CCDC127: variants seen among roughly 807,000 people sequenced by gnomAD.
CCDC127 encodes coiled-coil domain containing 127, also known as coiled-coil domain-containing protein 127.
In CCDC127, 2 loss-of-function variants were observed where a neutral mutation model predicts 4.1. That is an observed-to-expected ratio of 0.49 (90% CI 0.20 to 1.53). The LOEUF (loss-of-function observed/expected upper bound fraction) is 1.53. Ranked by LOEUF, CCDC127 falls within the 40% of genes most tolerant of loss-of-function variation. The pLI, the probability that CCDC127 is intolerant of heterozygous loss-of-function variation, is 0.23. For missense variants in CCDC127, 271 were observed against 322.9 expected, an observed-to-expected ratio of 0.84 and a Z score of 1.23; for synonymous variants, 98 against 120.4, an observed-to-expected ratio of 0.81 and a Z score of 1.22.
In CCDC127 at chr5:212,826, C is replaced by T. The variant is rs1377141826; in HGVS notation, c.121+3903G>A. On this transcript the variant is annotated intron_variant, in intron 2 of 2. Coordinates refer to ENST00000296824, the MANE Select transcript of CCDC127 (RefSeq NM_145265.3). ...GAGCATGCTGAGATGCTCGACATTG[C>T]ACACTGCAGCCACGATGAGACAGCA... Among the ~76,000 whole-genome samples the T allele has an allele frequency of 5.1e-4, 3 of 5,866 alleles. 1 individual carries two copies. Among genetic ancestry groups the T allele is most frequent in the Admixed American group, 4.5e-3 (3 of 660 alleles). 3.8% of individuals were successfully genotyped at this position (5,866 alleles called of 152,430 possible).
rs1396565004 is a variant in CCDC127, at chr5:202,896, C to T, written c.*2401G>A. The T allele has an allele frequency of 1.3e-5, 2 of 149,384 alleles. No homozygotes were observed. The highest frequency in any genetic ancestry group is 6.7e-5 in the Admixed American group (1 of 14,972). The allele number at this position is 149,384 out of a possible 1,614,324, so 9.3% of individuals were successfully genotyped here. On this transcript the variant is annotated 3_prime_UTR_variant, in exon 3 of 3. Coordinates refer to ENST00000296824, the MANE Select transcript of CCDC127 (RefSeq NM_145265.3). ...AAGGGTCTTGATGCATCAGGAAGTA[C>T]AAACAACAACAGGAAGAGTTTTGTC...
chr5:207,674 A>G (rs1054367445), intron 2 of CCDC127, among the ~76,000 whole-genome samples: 3 of 152,156 alleles, frequency 2.0e-5, no homozygotes, highest in South Asian at 2.1e-4. Context: ...CACAGGTGCC[A>G]AATGAGAGGG....
intron 2 of CCDC127, among the ~76,000 whole-genome samples, chr5:213,513 G>A (rs1251663194): frequency 3.7e-5 from 5 of 134,736 alleles, no homozygotes; most frequent in South Asian, 4.9e-4. Flanking sequence ...CGGGACAGCA[G>A]TGTGAGCACG....
intron 2 of CCDC127, among the ~76,000 whole-genome samples, chr5:206,804 CT>C (rs1272929625): frequency 1.3e-5 from 2 of 152,214 alleles, no homozygotes. Flanking sequence ...ACGTGTTCTG[CT>C]TGTACATTCT....
rs1395204368 is a variant in CCDC127, at chr5:202,743, G to C, written c.*2554C>G. On this transcript the variant is annotated 3_prime_UTR_variant, in exon 3 of 3. Transcript: ENST00000296824. ...AGGATGAGGATTAACAATTTGCCTC[G>C]AAAATCATTCACCTACAAAGCAGCT... 1 of 152,192 alleles carries C rather than the reference G, an allele frequency of 6.6e-6. No homozygotes were observed. The highest frequency in any genetic ancestry group is 1.5e-5 in the Non-Finnish European group (1 of 68,058). The allele number at this position is 152,192 out of a possible 1,614,324, so 9.4% of individuals were successfully genotyped here.
In CCDC127 at chr5:205,661, G is replaced by A. The variant is rs779220724; in HGVS notation, c.419C>T (p.Ala140Val). 8.1e-6 allele frequency: 13 copies of A among 1,614,114 alleles called. No homozygotes were observed. Among genetic ancestry groups the A allele is most frequent in the South Asian group, 1.1e-5 (1 of 91,074 alleles). The change falls in exon 3 of 3, where the codon GCG becomes GTG. Residue 140 changes from alanine to valine, a missense_variant. Coordinates refer to ENST00000296824, the MANE Select transcript of CCDC127 (RefSeq NM_145265.3). Reference protein sequence around the residue: ...EKRQVQPLRSAYLSCLQREEN... With the variant: ...EKRQVQPLRSVYLSCLQREEN... ...TTCCCTTTGCAGGCAGCTCAAATAC[G>A]CACTTCTCAAAGGCTGCACCTGTCT...
In CCDC127 at chr5:198,319, G is replaced by C. The variant is rs1734006280; in HGVS notation, c.*6978C>G. The C allele has an allele frequency of 6.6e-6, 1 of 152,348 alleles. No homozygotes were observed. Among genetic ancestry groups the C allele is most frequent in the African/African-American group, 2.4e-5 (1 of 41,474 alleles). The allele number at this position is 152,348 out of a possible 1,614,324, so 9.4% of individuals were successfully genotyped here. A position where few individuals can be genotyped will look rare whatever the true frequency, so the allele number is the denominator to read the frequency against. On this transcript the variant is annotated 3_prime_UTR_variant, in exon 3 of 3. Transcript: ENST00000296824. ...CGGCCAGCTTTTGGAAACAGGCAGG[G>C]AAGGTGCTGGGCCAACATTTTTAAT...
rs1579357307 is a variant in CCDC127, at chr5:205,219, C to T, written c.*78G>A. On this transcript the variant is annotated 3_prime_UTR_variant, in exon 3 of 3. Transcript: ENST00000296824. Reference sequence around the variant, plus strand: ...GGCCATGACACGGGCAGCACGGGAACGGAAGACGCCGGAGACCCAGAAGGC... The same window carrying T: ...GGCCATGACACGGGCAGCACGGGAATGGAAGACGCCGGAGACCCAGAAGGC... The T allele has an allele frequency of 6.7e-6, 9 of 1,350,368 alleles. No homozygotes were observed. The highest frequency in any genetic ancestry group is 2.3e-5 in the East Asian group (1 of 43,332). The allele number at this position is 1,350,368 out of a possible 1,614,324, so 83.6% of individuals were successfully genotyped here. A position where few individuals can be genotyped will look rare whatever the true frequency, so the allele number is the denominator to read the frequency against.
rs1252987709 is a variant in CCDC127 at position 196,945 on chromosome 5, C to A, written c.*8352G>T. 3 of 64,564 alleles carry A rather than the reference C, an allele frequency of 4.6e-5. No homozygotes were observed. The East Asian group carries it at 7.1e-4, about 15-fold the overall frequency. The allele number at this position is 64,564 out of a possible 1,614,324, so 4.0% of individuals were successfully genotyped here. On this transcript the variant is annotated 3_prime_UTR_variant, in exon 3 of 3. Coordinates refer to ENST00000296824, the MANE Select transcript of CCDC127 (RefSeq NM_145265.3). The stretch of plus-strand genomic sequence containing the variant: ...CTGCACTGGCACCGGCCTCTGAGTT[C>A]CCTCAGTTTTTATTATTATTTTCAT...
chr5:197,091 A>T lies in CCDC127; in HGVS notation c.*8206T>A, dbSNP rs1213447487. The T allele has an allele frequency of 6.6e-6, 1 of 152,022 alleles. No individual in the cohort carries two copies. Among genetic ancestry groups the T allele is most frequent in the Non-Finnish European group, 1.5e-5 (1 of 68,018 alleles). 9.4% of individuals were successfully genotyped at this position (152,022 alleles called of 1,614,324 possible). ...GTTCAAGGGAAGGTACTATGCCTGG[A>T]CGTGCACGTAGGCCAGATTTATGTT... is the stretch of plus-strand genomic sequence containing the variant. On this transcript the variant is annotated 3_prime_UTR_variant, in exon 3 of 3. Coordinates refer to ENST00000296824, the MANE Select transcript of CCDC127 (RefSeq NM_145265.3).
Position 205,829 on chromosome 5 carries a change from G to C in CCDC127, c.251C>G (p.Ala84Gly), listed in dbSNP as rs969072828. The stretch of plus-strand genomic sequence containing the variant: ...GAGTTCCAAGGACAACTGAGCGACA[G>C]CACGCCGATTTTCTGAGATCATGGC... The part of the protein sequence containing the change: ...YHAMISENRR[A>G]VAQLSLELEK... The change falls in exon 3 of 3, where the codon GCT becomes GGT. Residue 84 changes from alanine to glycine, a missense_variant. Physicochemically the swap from Ala to Gly is moderately conservative, Grantham distance 60. Transcript: ENST00000296824. 10 of 1,614,158 alleles carry C rather than the reference G, an allele frequency of 6.2e-6. No individual in the cohort carries two copies. The highest frequency in any genetic ancestry group is 7.6e-6 in the Non-Finnish European group (9 of 1,180,034).
In CCDC127 at chr5:205,537, G is replaced by A. The variant is rs757607326; in HGVS notation, c.543C>T (p.Ser181=). 1.2e-6 allele frequency: 2 copies of A among 1,614,054 alleles called. No individual in the cohort carries two copies. The highest frequency in any genetic ancestry group is 1.7e-6 in the Non-Finnish European group (2 of 1,179,896). The change falls in exon 3 of 3, where the codon AGC becomes AGT. Residue 181 remains serine (S), a synonymous_variant. Coordinates refer to ENST00000296824, the MANE Select transcript of CCDC127 (RefSeq NM_145265.3). ...NIYCSLFLPR[S]KRLEIEKSLL... Reference sequence around the variant, plus strand: ...AGCTCTTCTCTATCTCCAGCCGCTTGCTGCGAGGAAGAAACAGACTGCAGT... The same window carrying A: ...AGCTCTTCTCTATCTCCAGCCGCTTACTGCGAGGAAGAAACAGACTGCAGT...
rs552396151 is a variant in CCDC127 at position 213,561 on chromosome 5, C to T, written c.121+3168G>A. Among the ~76,000 whole-genome samples, 5 of 148,408 alleles carry T rather than the reference C, an allele frequency of 3.4e-5. No homozygotes were observed. The South Asian group carries it at 1.1e-3, about 32-fold the overall frequency. ...ATCGCACACTGCAGCCACGACGAGACAGCACCACACACCCATCAGGATGGG... is the reference window on the plus strand; with the variant it reads ...ATCGCACACTGCAGCCACGACGAGATAGCACCACACACCCATCAGGATGGG... On this transcript the variant is annotated intron_variant, in intron 2 of 2. Coordinates refer to ENST00000296824, the MANE Select transcript of CCDC127 (RefSeq NM_145265.3).
intron 2 of CCDC127, among the ~76,000 whole-genome samples, chr5:213,743 G>A (rs1264833406): frequency 1.3e-5 from 2 of 152,194 alleles, no homozygotes; most frequent in Admixed American, 6.5e-5. Flanking sequence ...CTGCATTGCT[G>A]GTGAGAACCT....
At position 202,418 on chromosome 5, in the gene CCDC127, C is replaced by CT. The variant is rs1244618191; in HGVS notation, c.*2878dup. 1 of 152,330 alleles carries CT rather than the reference C, an allele frequency of 6.6e-6. No homozygotes were observed. Among genetic ancestry groups the CT allele is most frequent in the Non-Finnish European group, 1.5e-5 (1 of 68,124 alleles). The allele number at this position is 152,330 out of a possible 1,614,324, so 9.4% of individuals were successfully genotyped here. On this transcript the variant is annotated 3_prime_UTR_variant, in exon 3 of 3. Coordinates refer to ENST00000296824, the MANE Select transcript of CCDC127 (RefSeq NM_145265.3). ...TGGCCAACATGGTGAAACCCTGTCT[C>CT]TACTAAACATACAAAAATTAGCCAG...
chr5:199,288 TGTGTGGTGG>T lies in CCDC127; in HGVS notation c.*6000_*6008del, dbSNP rs1215722745. ...AGATATACGCAGGCCCAGTGGCCCC[TGTGTGGTGG>T]ACGTGGCCCCTCTGTGTGGTGGACG... On this transcript the variant is annotated 3_prime_UTR_variant, in exon 3 of 3. Coordinates refer to ENST00000296824, the MANE Select transcript of CCDC127 (RefSeq NM_145265.3). 1 of 152,112 alleles carries T rather than the reference TGTGTGGTGG, an allele frequency of 6.6e-6. No individual in the cohort carries two copies. The highest frequency in any genetic ancestry group is 2.7e-5 in the African/African-American group (1 of 36,984). The allele number at this position is 152,112 out of a possible 1,614,324, so 9.4% of individuals were successfully genotyped here.
In CCDC127 at chr5:197,756, ACAGT is replaced by A. The variant is rs1470888769; in HGVS notation, c.*7537_*7540del. On this transcript the variant is annotated 3_prime_UTR_variant, in exon 3 of 3. Transcript: ENST00000296824. ...CTTCCCTTTCTACATAGACACAGTGACAGTCTGATCTCTCTTTTCCCTACACCGC... is the reference window on the plus strand; with the variant it reads ...CTTCCCTTTCTACATAGACACAGTGACTGATCTCTCTTTTCCCTACACCGC... The A allele has an allele frequency of 6.6e-6, 1 of 151,832 alleles. No individual in the cohort carries two copies. The highest frequency in any genetic ancestry group is 1.4e-5 in the Non-Finnish European group (1 of 69,146). 9.4% of individuals were successfully genotyped at this position (151,832 alleles called of 1,614,324 possible).
chr5:205,321 T>C lies in CCDC127; in HGVS notation c.759A>G (p.Val253=), dbSNP rs1734147832. The C allele has an allele frequency of 1.9e-6, 3 of 1,611,100 alleles. No individual in the cohort carries two copies. Among genetic ancestry groups the C allele is most frequent in the African/African-American group, 2.7e-5 (2 of 74,982 alleles). The part of the protein sequence containing the change: ...LVVELKKFKR[V]EEAILEK ...CTTACTTTTCTAGTATGGCTTCCTC[T>C]ACTCTCTTAAACTTCTTCAGTTCGA... Residue 253 remains valine (V), a synonymous_variant, in exon 3 of 3, where the codon GTA becomes GTG. Transcript: ENST00000296824.
chr5:210,661 G>C (rs1156809473), intron 2 of CCDC127, among the ~76,000 whole-genome samples: 1 of 114,136 alleles, frequency 8.8e-6, no homozygotes, highest in Non-Finnish European at 1.8e-5. Flanking sequence ...GTGTGAGCAC[G>C]CTGATGCTCG....
Sources: allele counts gnomAD v4.1 joint callset (sites outside exome capture counted in the v4.1 genomes callset), GRCh38; gene constraint gnomAD v4.1.1; transcripts MANE v1.5; gene names NCBI Gene and HGNC (gene_info 2026-07-23, HGNC 2026-07-21).